IDO2: variants seen among roughly 807,000 people sequenced by gnomAD.
The protein encoded by IDO2 is indoleamine 2,3-dioxygenase 2.
Under a neutral mutation model 45.1 loss-of-function variants are expected in IDO2, and 46 were observed. The observed-to-expected ratio is 1.02, with a 90% CI of 0.80 to 1.30. IDO2 has a LOEUF of 1.30. Ranked by LOEUF, IDO2 falls within the 50% of genes most tolerant of loss-of-function variation. The pLI is 0.00. For missense variants in IDO2, 544 were observed against 491.8 expected, an observed-to-expected ratio of 1.11 and a Z score of -1.00; for synonymous variants, 218 against 184.9, an observed-to-expected ratio of 1.18 and a Z score of -1.45.
At chr8:40,012,379 CT>C (rs1802322221) in intron 9 of IDO2, among the ~76,000 whole-genome samples, 1 of 152,168 alleles carries the variant, frequency 6.6e-6, no homozygotes, top group Admixed American at 6.5e-5. Flanking sequence ...GGATCAAGTT[CT>C]GGTTCTATCA....
intron 2 of IDO2, among the ~76,000 whole-genome samples, chr8:39,953,345 T>C (rs1219312162): frequency 6.6e-6 from 1 of 152,218 alleles, no homozygotes; most frequent in Non-Finnish European, 1.5e-5. Context: ...TTTTAAAAAA[T>C]ACTGATGCCG....
At chr8:39,967,334 A>T (rs1215651797) in intron 3 of IDO2, among the ~76,000 whole-genome samples, 1 of 152,126 alleles carries the variant, frequency 6.6e-6, no homozygotes, top group Non-Finnish European at 1.5e-5. Context: ...TGTTGGGGTG[A>T]GGGTTGGGGG....
intron 8 of IDO2, among the ~76,000 whole-genome samples, chr8:39,993,740 T>A (rs1801984565): frequency 6.6e-6 from 1 of 152,204 alleles, no homozygotes; most frequent in African/African-American, 2.4e-5. Context: ...CCAGACCTGG[T>A]GGCTGAAGCC....
At chr8:39,974,464 T>C (rs1365266527) in intron 3 of IDO2, among the ~76,000 whole-genome samples, 3 of 151,864 alleles carry the variant, frequency 2.0e-5, no homozygotes, top group Non-Finnish European at 4.4e-5. Context: ...TGTAGGAGAG[T>C]ATCTTTATGT....
At chr8:40,015,280 C>T in exon 11 of IDO2, 1 of 1,611,890 alleles carries the variant, frequency 6.2e-7, no homozygotes, top group Non-Finnish European at 8.5e-7. Context: ...GATTACATGC[C>T]TCCTTCCCAT....
chr8:39,952,277 C>G (rs867188990), intron 2 of IDO2, among the ~76,000 whole-genome samples: 7 of 152,162 alleles, frequency 4.6e-5, no homozygotes, highest in African/African-American at 1.2e-4. Context: ...ATCTTACTTT[C>G]GTTTAGTTGA....
At chr8:39,990,652 T>C (rs1057111791) in intron 8 of IDO2, among the ~76,000 whole-genome samples, 2 of 152,206 alleles carry the variant, frequency 1.3e-5, no homozygotes, top group Non-Finnish European at 2.9e-5. Context: ...ATTGTCCTCA[T>C]TTTTCCTTTA....
chr8:39,941,221 C>CAAAAAAAAAAAAAA (rs59745370), intron 1 of IDO2, among the ~76,000 whole-genome samples: 3 of 80,542 alleles, frequency 3.7e-5, no homozygotes, highest in African/African-American at 1.2e-4. Flanking sequence ...GACTCCATCT[C>CAAAAAAAAAAAAAA]AAAAAAAAAA....
chr8:39,971,387 C>T (rs1286911726), intron 3 of IDO2, among the ~76,000 whole-genome samples: 1 of 152,172 alleles, frequency 6.6e-6, no homozygotes, highest in East Asian at 1.9e-4. Context: ...CACCCAAGAG[C>T]TCTACTGGAG....
intron 1 of IDO2, among the ~76,000 whole-genome samples, chr8:39,939,628 T>C (rs1807613996): frequency 6.6e-6 from 1 of 150,384 alleles, no homozygotes; most frequent in Non-Finnish European, 1.5e-5. Flanking sequence ...TTTACGTATT[T>C]ATTTGTTATT....
intron 9 of IDO2, among the ~76,000 whole-genome samples, chr8:40,010,035 G>A (rs1331787568): frequency 1.7e-4 from 12 of 70,468 alleles, no homozygotes; most frequent in Non-Finnish European, 2.5e-4. Flanking sequence ...ATTTCAATGC[G>A]GTGGGTGGGG....
At chr8:39,994,653 TCGG>T (rs1802002894) in intron 8 of IDO2, among the ~76,000 whole-genome samples, 7 of 151,344 alleles carry the variant, frequency 4.6e-5, no homozygotes, top group Non-Finnish European at 8.8e-5. Context: ...AGTAAATGTC[TCGG>T]TTCAGCCTGA....
intron 2 of IDO2, among the ~76,000 whole-genome samples, chr8:39,958,607 C>T (rs894135058): frequency 9.2e-5 from 14 of 152,174 alleles, no homozygotes; most frequent in African/African-American, 2.4e-4. Flanking sequence ...CGTGTCACCA[C>T]GCCTGGCTAA....
Position 39,949,135 on chromosome 8 carries a change from C to T in IDO2, c.-17-14C>T. On this transcript the variant is annotated splice_polypyrimidine_tract_variant and intron_variant, in intron 1 of 10. Transcript: ENST00000502986. ...TTAGGAACAATTGATTCTTCAGTGA[C>T]ACTTTCCATGCAGATACTTCAAACA... is the stretch of plus-strand genomic sequence containing the variant. The T allele has an allele frequency of 6.3e-7, 1 of 1,587,686 alleles. No homozygotes were observed. Among genetic ancestry groups the T allele is most frequent in the Non-Finnish European group, 8.6e-7 (1 of 1,165,738 alleles).
At chr8:39,948,537 T>C (rs556310592) in intron 1 of IDO2, among the ~76,000 whole-genome samples, 2 of 152,304 alleles carry the variant, frequency 1.3e-5, no homozygotes, top group East Asian at 3.9e-4. Context: ...TGCAGATCCC[T>C]CCAGGAGCGC....
intron 3 of IDO2, among the ~76,000 whole-genome samples, chr8:39,970,518 A>G (rs548878041): frequency 7.2e-5 from 11 of 152,258 alleles, no homozygotes; most frequent in African/African-American, 2.4e-4. Context: ...CAGCCTTCCC[A>G]GTACCTGGGA....
At chr8:39,971,355 G>A (rs556652964) in intron 3 of IDO2, among the ~76,000 whole-genome samples, 2 of 152,122 alleles carry the variant, frequency 1.3e-5, no homozygotes, top group South Asian at 2.1e-4. Context: ...AAATATTACT[G>A]CTTATTAACA....
At chr8:39,957,330 G>C (rs1807919564) in intron 2 of IDO2, among the ~76,000 whole-genome samples, 1 of 152,066 alleles carries the variant, frequency 6.6e-6, no homozygotes, top group African/African-American at 2.4e-5. Context: ...ATGGAAATCA[G>C]GCTAGAGGTG....
chr8:39,962,733 C>T (rs1808018601), intron 2 of IDO2, among the ~76,000 whole-genome samples: 1 of 152,208 alleles, frequency 6.6e-6, no homozygotes, highest in African/African-American at 2.4e-5. Context: ...AGGCTCCTCC[C>T]CAGCATAAGG....
Sources: gnomAD v4.1 joint callset for allele counts (sites outside exome capture counted in the v4.1 genomes callset) on GRCh38, gnomAD v4.1.1 for gene constraint, MANE v1.5 for transcripts, NCBI Gene and HGNC (gene_info 2026-07-23, HGNC 2026-07-21) for gene names.